Variants in DAG1 observed in about 807,000 individuals in gnomAD.
DAG1 encodes dystroglycan 1 (dystrophin-associated glycoprotein 1).
Under a neutral mutation model 46.1 loss-of-function variants are expected in DAG1, and 8 were observed. The ratio of observed to expected loss-of-function variants is 0.17; its 90% CI spans 0.10 to 0.31. DAG1 has a LOEUF of 0.31. Ranked by LOEUF, DAG1 falls within the 10% of genes least tolerant of loss-of-function variation. The pLI, the probability that DAG1 is intolerant of heterozygous loss-of-function variation, is 1.00. For synonymous variants in DAG1, 495 were observed against 481.8 expected, an observed-to-expected ratio of 1.03 and a Z score of -0.36; for missense variants, 1,003 against 1,189.9, an observed-to-expected ratio of 0.84 and a Z score of 2.31.
chr3:49,517,292 C>G (rs1415601200), intron 2 of DAG1, among the ~76,000 whole-genome samples: 1 of 151,738 alleles, frequency 6.6e-6, no homozygotes, highest in Non-Finnish European at 1.5e-5. Flanking sequence ...CGCACCCAGC[C>G]CCCAAGAGGC....
intron 2 of DAG1, among the ~76,000 whole-genome samples, chr3:49,520,341 A>G (rs1159387697): frequency 2.0e-5 from 3 of 152,236 alleles, no homozygotes; most frequent in Non-Finnish European, 4.4e-5. Context: ...CAGAGGGTCC[A>G]TCTCCTGCTT....
intron 1 of DAG1, among the ~76,000 whole-genome samples, chr3:49,499,817 C>T (rs539898061): frequency 6.6e-5 from 10 of 152,196 alleles, no homozygotes; most frequent in African/African-American, 2.4e-4. Flanking sequence ...GGTGTCCTTG[C>T]CAGTTACTGT....
intron 1 of DAG1, among the ~76,000 whole-genome samples, chr3:49,496,345 A>C (rs1242669109): frequency 7.0e-6 from 1 of 142,680 alleles, no homozygotes; most frequent in Non-Finnish European, 1.5e-5. Flanking sequence ...AATTTTTTAA[A>C]TTTTTAACTT....
At chr3:49,499,720 T>C (rs2050396974) in intron 1 of DAG1, among the ~76,000 whole-genome samples, 1 of 152,170 alleles carries the variant, frequency 6.6e-6, no homozygotes, top group Non-Finnish European at 1.5e-5. Context: ...CATCCTTTGG[T>C]TGCATCTTCC....
chr3:49,518,924 A>G (rs966022385), intron 2 of DAG1, among the ~76,000 whole-genome samples: 21 of 152,294 alleles, frequency 1.4e-4, no homozygotes, highest in African/African-American at 4.6e-4. Context: ...CCCTTGAATC[A>G]GACTGGATGC....
intron 1 of DAG1, among the ~76,000 whole-genome samples, chr3:49,471,941 T>C (rs947342223): frequency 2.6e-5 from 4 of 151,904 alleles, no homozygotes; most frequent in Non-Finnish European, 5.9e-5. Flanking sequence ...TGAGCTGTGG[T>C]TTTCAGGGCC....
At chr3:49,482,000 T>C (rs2049894206) in intron 1 of DAG1, among the ~76,000 whole-genome samples, 2 of 152,188 alleles carry the variant, frequency 1.3e-5, no homozygotes, top group Non-Finnish European at 2.9e-5. Context: ...TTCCTAAATG[T>C]TAGAACAACT....
At chr3:49,498,625 C>T (rs1167509603) in intron 1 of DAG1, among the ~76,000 whole-genome samples, 2 of 151,900 alleles carry the variant, frequency 1.3e-5, no homozygotes, top group Non-Finnish European at 2.9e-5. Flanking sequence ...TTATGTTTTC[C>T]AAAACCATTT....
At chr3:49,491,847 G>GA (rs905882580) in intron 1 of DAG1, among the ~76,000 whole-genome samples, 1 of 152,010 alleles carries the variant, frequency 6.6e-6, no homozygotes, top group African/African-American at 2.4e-5. Context: ...TCAAACTCCT[G>GA]ACCTCAAGTG....
At chr3:49,502,442 C>G (rs1368062906) in intron 1 of DAG1, among the ~76,000 whole-genome samples, 1 of 152,112 alleles carries the variant, frequency 6.6e-6, no homozygotes, top group Non-Finnish European at 1.5e-5. Flanking sequence ...CAGCCATCTA[C>G]TGATGGCAGG....
intron 1 of DAG1, among the ~76,000 whole-genome samples, chr3:49,474,944 T>TG (rs1426307997): frequency 6.6e-6 from 1 of 151,920 alleles, no homozygotes; most frequent in Non-Finnish European, 1.5e-5. Flanking sequence ...CCCGAGTAGC[T>TG]GGGACTACAG....
chr3:49,496,011 C>T (rs556995710), intron 1 of DAG1, among the ~76,000 whole-genome samples: 1 of 152,052 alleles, frequency 6.6e-6, no homozygotes, highest in East Asian at 1.9e-4. Context: ...TCAGTTTATC[C>T]TTTTCTGTCT....
chr3:49,512,368 A>G (rs1409414730), intron 2 of DAG1, among the ~76,000 whole-genome samples: 1 of 151,644 alleles, frequency 6.6e-6, no homozygotes, highest in East Asian at 1.9e-4. Flanking sequence ...ACGCCCAGCT[A>G]ATTTTTAAAT....
At chr3:49,525,559 CTTT>C (rs66961854) in intron 2 of DAG1, among the ~76,000 whole-genome samples, 7 of 140,386 alleles carry the variant, frequency 5.0e-5, no homozygotes, top group Non-Finnish European at 6.2e-5. Context: ...GTGCTACACA[CTTT>C]TTTTTTTTTT....
chr3:49,531,113 A>C lies in DAG1; in HGVS notation c.602A>C (p.Lys201Thr). The change falls in exon 3 of 3, where the codon AAG becomes ACG. Residue 201 changes from lysine (K) to threonine (T), a missense_variant. By Grantham distance (78) the Lys-to-Thr change is moderately conservative. This residue lies in a region of DAG1 where 52 missense variants were observed against 96.7 expected (regional missense o/e 0.54). Coordinates refer to ENST00000308775, the MANE Select transcript of DAG1 (RefSeq NM_004393.6). The surrounding 1 kb of genome is among the most constrained non-coding windows in gnomAD (Gnocchi z 7.0). ...GTGATTTTGGATGCCGACCTCACCA[A>C]GATGACCCCAAAGCAAAGGATTGAC... is the stretch of plus-strand genomic sequence containing the variant. Reference protein sequence around the residue: ...LTVILDADLTKMTPKQRIDLL... With the variant: ...LTVILDADLTTMTPKQRIDLL... 6.2e-7 allele frequency: 1 copy of C among 1,614,240 alleles called. No homozygotes were observed. Among genetic ancestry groups the C allele is most frequent in the Non-Finnish European group, 8.5e-7 (1 of 1,180,046 alleles).
intron 2 of DAG1, among the ~76,000 whole-genome samples, chr3:49,512,572 A>G (rs1363772027): frequency 6.6e-6 from 1 of 151,298 alleles, no homozygotes; most frequent in African/African-American, 2.4e-5. Flanking sequence ...TTGTATTTTT[A>G]GTACTGACGG....
intron 1 of DAG1, among the ~76,000 whole-genome samples, chr3:49,477,177 A>G (rs2049702810): frequency 6.6e-6 from 1 of 151,780 alleles, no homozygotes; most frequent in Non-Finnish European, 1.5e-5. Flanking sequence ...TTGTATTTTT[A>G]GTAGAGACGG....
intron 1 of DAG1, among the ~76,000 whole-genome samples, chr3:49,503,365 C>T (rs972783515): frequency 1.3e-5 from 2 of 152,182 alleles, no homozygotes; most frequent in African/African-American, 4.8e-5. Context: ...TTCAGGTTTT[C>T]TTCTCTGTGA....
intron 2 of DAG1, among the ~76,000 whole-genome samples, chr3:49,517,387 A>C (rs1008907179): frequency 1.3e-5 from 2 of 152,100 alleles, no homozygotes; most frequent in Non-Finnish European, 2.9e-5. Context: ...TGGAATTATA[A>C]TTTAATGCTT....
Sources: gnomAD v4.1 joint callset for allele counts (sites outside exome capture counted in the v4.1 genomes callset) on GRCh38, gnomAD v4.1.1 for gene constraint, gnomAD v4.1.1 regional missense constraint, Gnocchi (gnomAD v3.1) non-coding constraint, MANE v1.5 for transcripts, NCBI Gene and HGNC (gene_info 2026-07-23, HGNC 2026-07-21) for gene names.